The following DLGAP1 variants were observed in gnomAD, a reference collection of about 807,000 sequenced individuals.
DLGAP1 encodes the protein DLG associated protein 1.
Under a neutral mutation model 90.8 loss-of-function variants are expected in DLGAP1, and 11 were observed. The observed-to-expected ratio is 0.12, with a 90% CI of 0.08 to 0.20. DLGAP1 has a LOEUF of 0.20. Ranked by LOEUF, DLGAP1 falls within the 10% of genes least tolerant of loss-of-function variation. The pLI, the probability that DLGAP1 is intolerant of heterozygous loss-of-function variation, is 1.00. For synonymous variants in DLGAP1, 558 were observed against 540.7 expected (o/e 1.03, Z -0.44); for missense variants, 1,050 against 1,333.8 (o/e 0.79, Z 3.31).
chr18:4,103,743 G>T (rs990316934), intron 2 of DLGAP1, among the ~76,000 whole-genome samples: 1 of 151,950 alleles, frequency 6.6e-6, no homozygotes, highest in African/African-American at 2.4e-5. Context: ...TAGAAGTTTT[G>T]TCTATTGTTT....
At chr18:4,371,955 GAAT>G (rs1484292997) in intron 1 of DLGAP1, among the ~76,000 whole-genome samples, 2 of 152,206 alleles carry the variant, frequency 1.3e-5, no homozygotes, top group African/African-American at 4.8e-5. Flanking sequence ...TCTGAACATA[GAAT>G]ATTAAGACCA....
Position 3,718,600 on chromosome 18 carries a change from A to G in DLGAP1, c.1591+10535T>C, listed in dbSNP as rs550396088. 2.0e-5 allele frequency among the ~76,000 whole-genome samples: 3 copies of G among 152,242 alleles called. No homozygotes were observed. In the South Asian group the frequency reaches 6.2e-4, roughly 32 times the overall value. On this transcript the variant is annotated intron_variant, in intron 7 of 12. Transcript: ENST00000315677. ...CCATTTGTGTCACTGGAATCTCAGA[A>G]GGAGGAGGATGAAAAAGTAGCCACA...
chr18:4,327,109 C>T (rs948515046), intron 1 of DLGAP1, among the ~76,000 whole-genome samples: 1 of 151,696 alleles, frequency 6.6e-6, no homozygotes, highest in Non-Finnish European at 1.5e-5. Context: ...TACAAATTTT[C>T]GATTAGACAT....
At chr18:3,537,044 A>G (rs1259960138) in intron 9 of DLGAP1, among the ~76,000 whole-genome samples, 2 of 147,808 alleles carry the variant, frequency 1.4e-5, no homozygotes, top group East Asian at 4.0e-4. Flanking sequence ...TTTTTTTTTT[A>G]AAGTCGCTTC....
chr18:4,074,166 G>T (rs74401504), intron 2 of DLGAP1, among the ~76,000 whole-genome samples: 2 of 152,096 alleles, frequency 1.3e-5, no homozygotes, highest in Admixed American at 6.5e-5. Flanking sequence ...ACTAGGAGGC[G>T]ATATAAATGG....
intron 1 of DLGAP1, among the ~76,000 whole-genome samples, chr18:4,181,004 GT>G (rs2077198320): frequency 6.6e-6 from 1 of 152,164 alleles, no homozygotes; most frequent in African/African-American, 2.4e-5. Flanking sequence ...ATACTGATGG[GT>G]TTGAGCAAAA....
intron 4 of DLGAP1, among the ~76,000 whole-genome samples, chr18:3,833,993 A>G (rs2068213994): frequency 6.6e-6 from 1 of 152,224 alleles, no homozygotes; most frequent in Non-Finnish European, 1.5e-5. Context: ...TCTGCAATTT[A>G]TCCAACTCAT....
At chr18:4,417,750 T>C (rs963222131) in intron 1 of DLGAP1, among the ~76,000 whole-genome samples, 25 of 152,072 alleles carry the variant, frequency 1.6e-4, no homozygotes, top group African/African-American at 4.1e-4. Flanking sequence ...CTGGGGAAGA[T>C]AGAGAGGCAG....
At chr18:4,405,864 T>C (rs577005140) in intron 1 of DLGAP1, among the ~76,000 whole-genome samples, 122 of 152,220 alleles carry the variant, frequency 8.0e-4, no homozygotes, top group Non-Finnish European at 1.1e-3. Context: ...TCTTTGCGTT[T>C]TGAACAAAGA....
At chr18:4,118,900 TG>T (rs1292872995) in intron 2 of DLGAP1, among the ~76,000 whole-genome samples, 1 of 152,170 alleles carries the variant, frequency 6.6e-6, no homozygotes, top group East Asian at 1.9e-4. Context: ...TCCTGATAAA[TG>T]GATGTTTACT....
chr18:4,184,454 T>C (rs559985490), intron 1 of DLGAP1, among the ~76,000 whole-genome samples: 1 of 152,152 alleles, frequency 6.6e-6, no homozygotes, highest in Non-Finnish European at 1.5e-5. Flanking sequence ...TGGTAGACCA[T>C]AATTTTAGTT....
chr18:4,019,047 T>C (rs1339297336), intron 2 of DLGAP1, among the ~76,000 whole-genome samples: 1 of 152,246 alleles, frequency 6.6e-6, no homozygotes, highest in Non-Finnish European at 1.5e-5. Flanking sequence ...TTAATGACTC[T>C]TCCTGCTTGG....
intron 1 of DLGAP1, among the ~76,000 whole-genome samples, chr18:4,433,707 A>G (rs1175653788): frequency 1.3e-5 from 2 of 152,212 alleles, no homozygotes; most frequent in East Asian, 3.8e-4. Flanking sequence ...TCTCATCACC[A>G]GAACCTTAAT....
chr18:3,840,555 C>T (rs1387305752), intron 4 of DLGAP1, among the ~76,000 whole-genome samples: 5 of 152,230 alleles, frequency 3.3e-5, no homozygotes, highest in Non-Finnish European at 2.9e-5. Context: ...CAATCTCCCA[C>T]CTTAAGATCC....
At chr18:3,589,094 G>A (rs753281822) in intron 7 of DLGAP1, among the ~76,000 whole-genome samples, 5 of 150,072 alleles carry the variant, frequency 3.3e-5, no homozygotes, top group African/African-American at 4.9e-5. Flanking sequence ...AGGCTGAGGC[G>A]GGAGAACTGC....
At chr18:3,728,466 T>C (rs1024239052) in intron 7 of DLGAP1, among the ~76,000 whole-genome samples, 4 of 152,044 alleles carry the variant, frequency 2.6e-5, no homozygotes, top group African/African-American at 9.7e-5. Flanking sequence ...CTTTTCTGTG[T>C]CTCCGTGCCT....
chr18:3,810,217 T>C (rs531852472), intron 5 of DLGAP1, among the ~76,000 whole-genome samples: 58 of 152,226 alleles, frequency 3.8e-4, no homozygotes, highest in African/African-American at 1.3e-3. Context: ...GACTTCATTG[T>C]CTCAAAACTA....
At position 3,692,851 on chromosome 18, in the gene DLGAP1, G is replaced by T. The variant is rs9957852; in HGVS notation, c.1591+36284C>A. Among the ~76,000 whole-genome samples the T allele has an allele frequency of 8.2e-3, 1,255 of 152,286 alleles. 17 individuals are homozygous for T. The highest frequency in any genetic ancestry group is 0.029 in the African/African-American group (1,200 of 41,558). On this transcript the variant is annotated intron_variant, in intron 7 of 12. Transcript: ENST00000315677. ...CAACTTCTCTAGTGTTCCAGAACTA[G>T]CAAATGAGGTGGGCCTGAAGCCAAC...
rs146979298 is a variant in DLGAP1, at chr18:4,166,129, A to G, written c.-266-14842T>C. 5.3e-3 allele frequency among the ~76,000 whole-genome samples: 799 copies of G among 152,156 alleles called. 10 individuals carry two copies. Among genetic ancestry groups the G allele is most frequent in the African/African-American group, 0.018 (761 of 41,428 alleles). On this transcript the variant is annotated intron_variant, in intron 1 of 12. Coordinates refer to ENST00000315677, the MANE Select transcript of DLGAP1 (RefSeq NM_004746.4). ...AGCTATGATCATGCCACTGCACTTC[A>G]GTCTGGGTAACAGAGTGAGATCCTG...
Sources: gnomAD v4.1 joint callset for allele counts (sites outside exome capture counted in the v4.1 genomes callset) on GRCh38, gnomAD v4.1.1 for gene constraint, MANE v1.5 for transcripts, NCBI Gene and HGNC (gene_info 2026-07-23, HGNC 2026-07-21) for gene names.